The following DHX57 variants were observed in gnomAD, a reference collection of about 807,000 sequenced individuals.
DHX57 encodes the protein DExH-box helicase 57.
In DHX57, 105 loss-of-function variants were observed where a neutral mutation model predicts 156.2. The observed-to-expected ratio is 0.67, with a 90% CI of 0.57 to 0.79. The LOEUF (loss-of-function observed/expected upper bound fraction) is 0.79. DHX57 is among the 30% of genes least tolerant of loss of function. The pLI, the probability that DHX57 is intolerant of heterozygous loss-of-function variation, is 0.00. For synonymous variants in DHX57, 704 were observed against 595.6 expected, an observed-to-expected ratio of 1.18 and a Z score of -2.65; for missense variants, 1,847 against 1,661.9, an observed-to-expected ratio of 1.11 and a Z score of -1.94.
At chr2:38,831,190 T>G (rs2124833768) in intron 13 of DHX57, among the ~76,000 whole-genome samples, 2 of 152,174 alleles carry the variant, frequency 1.3e-5, no homozygotes, top group East Asian at 3.9e-4. Context: ...TGAAAAAATT[T>G]TTGTCTATAT....
intron 21 of DHX57, chr2:38,811,118 AT>A (rs1298002309): frequency 3.6e-6 from 2 of 549,878 alleles, no homozygotes; most frequent in Admixed American, 4.7e-5. Context: ...GCTGATGTGC[AT>A]GAGGTTCTCG....
Position 38,825,920 on chromosome 2 carries a change from G to A in DHX57, c.2941C>T (p.His981Tyr). ...GVCFHLFTSHHYNHQLLKQQL... is the reference protein window; with the variant it reads ...GVCFHLFTSHYYNHQLLKQQL... ...TGTTTTAAAAGCTGGTGATTGTAGT[G>A]ATGGCTAGTGAATAAATGGAAGCAG... The change falls in exon 16 of 24, where the codon CAC becomes TAC. Residue 981 changes from histidine (H) to tyrosine (Y), a missense_variant. Transcript: ENST00000457308. The A allele has an allele frequency of 1.9e-6, 3 of 1,614,192 alleles. No individual in the cohort carries two copies. The African/African-American group carries it at 4.0e-5, about 22-fold the overall frequency.
intron 23 of DHX57, 63 bp from the exon 24 acceptor site, chr2:38,798,505 G>A: frequency 1.3e-6 from 2 of 1,498,312 alleles, no homozygotes; most frequent in South Asian, 1.4e-5. Context: ...TTATTGGAGG[G>A]AAATACCCAA....
At position 38,861,000 on chromosome 2, in the gene DHX57, T is replaced by C. The variant is rs1364375326; in HGVS notation, c.1410A>G (p.Glu470=). 1 of 1,611,960 alleles carries C rather than the reference T, an allele frequency of 6.2e-7. No homozygotes were observed. Among genetic ancestry groups the C allele is most frequent in the Non-Finnish European group, 8.5e-7 (1 of 1,178,544 alleles). The part of the protein sequence containing the change: ...NNSFVSNQIP[E]VEKASESEES... ...CCACAAGATCAATGCCTTACATACC[T>C]TCTGGAATTTGATTAGAAACAAAAG... The change falls in exon 5 of 24, where the codon GAA becomes GAG. Residue 470 remains glutamate (E), a splice_region_variant and synonymous_variant. Transcript: ENST00000457308.
chr2:38,849,364 C>T (rs190971226), intron 9 of DHX57, among the ~76,000 whole-genome samples: 484 of 152,258 alleles, frequency 3.2e-3, no homozygotes, highest in Middle Eastern at 6.8e-3. Flanking sequence ...TGGCCCTTGC[C>T]CCCTTGCAAT....
At position 38,854,107 on chromosome 2, in the gene DHX57, T is replaced by C. The variant is rs750133468; in HGVS notation, c.1977A>G (p.Leu659=). The C allele has an allele frequency of 8.7e-6, 14 of 1,614,086 alleles. No individual in the cohort carries two copies. The highest frequency in any genetic ancestry group is 4.5e-5 in the East Asian group (2 of 44,870). ...LLRRLEGDTA[L]QGVSHIIVDE... ...CAACAATGATATGGGAAACTCCTTG[T>C]AGAGCTGTATCTCCTTCTAGCCTTC... The change falls in exon 9 of 24, where the codon CTA becomes CTG. Residue 659 remains leucine (L), a synonymous_variant. Transcript: ENST00000457308.
chr2:38,839,078 C>T (rs1414566625), intron 12 of DHX57, among the ~76,000 whole-genome samples: 5 of 151,832 alleles, frequency 3.3e-5, no homozygotes, highest in Admixed American at 6.6e-5. Flanking sequence ...ATTACAGGCA[C>T]GTAGTACCAC....
intron 4 of DHX57, 71 bp from the exon 5 acceptor site, chr2:38,861,908 T>C (rs1186925064): frequency 1.4e-6 from 2 of 1,438,616 alleles, no homozygotes; most frequent in African/African-American, 2.9e-5. Flanking sequence ...AAAATTCATT[T>C]AAATATGCTT....
At chr2:38,834,199 C>A (rs558556541) in intron 13 of DHX57, among the ~76,000 whole-genome samples, 2 of 151,874 alleles carry the variant, frequency 1.3e-5, no homozygotes, top group East Asian at 3.9e-4. Context: ...GGTGTGGTGG[C>A]GCATGCCTGT....
intron 5 of DHX57, among the ~76,000 whole-genome samples, chr2:38,860,592 G>A (rs1215922882): frequency 6.6e-6 from 1 of 152,166 alleles, no homozygotes; most frequent in East Asian, 1.9e-4. Flanking sequence ...AAGCAGGAGG[G>A]TATGGATAGT....
chr2:38,838,089 A>T (rs1057151881), intron 12 of DHX57, 142 bp from the exon 13 acceptor site: 1 of 631,782 alleles, frequency 1.6e-6, no homozygotes, highest in African/African-American at 1.9e-5. Flanking sequence ...TAATGTACTG[A>T]AATGAACTTT....
At chr2:38,867,705 ACTGCC>A (rs1474423973) in intron 2 of DHX57, among the ~76,000 whole-genome samples, 19 of 152,198 alleles carry the variant, frequency 1.2e-4, no homozygotes, top group African/African-American at 4.3e-4. Context: ...ATTACAGGTG[ACTGCC>A]ACCATGCCTG....
Position 38,868,219 on chromosome 2 carries a change from C to T in DHX57, c.187G>A (p.Asp63Asn), listed in dbSNP as rs1276956027. ...CTTGATTCACTGAAGATACAAAAGT[C>T]ATCTCCATCATCCCATATTCTACTG... ...ASSRIWDDGD[D>N]FCIFSESRRP... The change falls in exon 2 of 24, where the codon GAC becomes AAC. Residue 63 changes from aspartate (D) to asparagine (N), a missense_variant. By Grantham distance (23) the Asp-to-Asn change is conservative. Transcript: ENST00000457308. 6.2e-7 allele frequency: 1 copy of T among 1,614,116 alleles called. No homozygotes were observed. The highest frequency in any genetic ancestry group is 1.1e-5 in the South Asian group (1 of 91,086).
chr2:38,825,816 T>C, intron 16 of DHX57, 31 bp downstream of exon 16: 1 of 1,610,174 alleles, frequency 6.2e-7, no homozygotes, highest in Non-Finnish European at 8.5e-7. Context: ...TTAGACCTTT[T>C]GGAAGCAAAA....
chr2:38,861,564 T>G lies in DHX57; in HGVS notation c.846A>C (p.Thr282=). ...TTGGCTTGGATTTGCGGAATCTACT[T>G]GTCAGATACTCCAGTTCTAACCCAA... ...WTIGLELEYL[T]SRFRKSKPKE... Residue 282 remains threonine, a synonymous_variant, in exon 5 of 24, where the codon ACA becomes ACC. Transcript: ENST00000457308. The G allele has an allele frequency of 6.2e-7, 1 of 1,614,220 alleles. No homozygotes were observed. Among genetic ancestry groups the G allele is most frequent in the Non-Finnish European group, 8.5e-7 (1 of 1,180,038 alleles).
At chr2:38,835,997 T>C (rs1297382603) in intron 13 of DHX57, among the ~76,000 whole-genome samples, 1 of 152,166 alleles carries the variant, frequency 6.6e-6, no homozygotes, top group African/African-American at 2.4e-5. Context: ...AGATGAGTGC[T>C]TCTGAACCAG....
intron 21 of DHX57, among the ~76,000 whole-genome samples, chr2:38,808,333 TA>T (rs1670065761): frequency 6.6e-6 from 1 of 152,110 alleles, no homozygotes; most frequent in East Asian, 1.9e-4. Flanking sequence ...ATAAATAAAA[TA>T]GCTTGAAAAT....
intron 5 of DHX57, 148 bp from the exon 6 acceptor site, chr2:38,858,984 A>G (rs1673048442): frequency 1.3e-6 from 1 of 763,098 alleles, no homozygotes; most frequent in African/African-American, 1.8e-5. Context: ...CATTTCTAGT[A>G]TTTCTATTTC....
chr2:38,843,045 A>C lies in DHX57; in HGVS notation c.2385T>G (p.Asp795Glu). 1 of 1,614,164 alleles carries C rather than the reference A, an allele frequency of 6.2e-7. No individual in the cohort carries two copies. Among genetic ancestry groups the C allele is most frequent in the Non-Finnish European group, 8.5e-7 (1 of 1,180,010 alleles). ...GGAGCTGCTTAAAATCTAACTGTTG[A>C]TCTGGCACTGCATCTTTGACAGAAT... The part of the protein sequence containing the change: ...DQDSVKDAVP[D>E]QQLDFKQLLA... The change falls in exon 12 of 24, where the codon GAT becomes GAG. Residue 795 changes from aspartate to glutamate, a missense_variant. Transcript: ENST00000457308.
Sources: allele counts gnomAD v4.1 joint callset (sites outside exome capture counted in the v4.1 genomes callset), GRCh38; gene constraint gnomAD v4.1.1; transcripts MANE v1.5; gene names NCBI Gene and HGNC (gene_info 2026-07-23, HGNC 2026-07-21).